MRPL48: variants seen among roughly 807,000 people sequenced by gnomAD.
The protein encoded by MRPL48 is large ribosomal subunit protein mL48.
In MRPL48, 16 loss-of-function variants were observed where a neutral mutation model predicts 32.9. The ratio of observed to expected loss-of-function variants is 0.49; its 90% CI spans 0.33 to 0.74. The LOEUF (loss-of-function observed/expected upper bound fraction) is 0.74, where lower values mean the gene tolerates loss of function less well. Among genes scored for constraint, MRPL48 ranks in the 30% least tolerant of loss-of-function variants. MRPL48 has a pLI of 0.02. For synonymous variants in MRPL48, 94 were observed against 89.2 expected (o/e 1.05, Z -0.31); for missense variants, 206 against 245.3 (o/e 0.84, Z 1.07).
At chr11:73,802,771 C>T (rs559423717) in intron 1 of MRPL48, among the ~76,000 whole-genome samples, 27 of 152,082 alleles carry the variant, frequency 1.8e-4, no homozygotes, top group African/African-American at 6.5e-4. Flanking sequence ...ACAGTCACGG[C>T]TTATTGCAGC....
chr11:73,804,961 C>T (rs997200021), intron 1 of MRPL48, 66 bp from the exon 2 acceptor site: 2 of 1,483,188 alleles, frequency 1.3e-6, no homozygotes, highest in African/African-American at 1.4e-5. Flanking sequence ...TCTTGCCTCT[C>T]TGAGAAGACA....
rs2135089220 is a variant in MRPL48 at position 73,859,913 on chromosome 11, A to G, written c.378A>G (p.Ala126=). ...SLSIKVEESY[A]MPTKTIEVLQ... is the part of the protein sequence containing the mutation. The stretch of plus-strand genomic sequence containing the variant: ...TGACTCTTCCTTCCCACAGTTATGC[A>G]ATGCCAACCAAAACCATAGAAGTGT... Residue 126 remains alanine (A), a synonymous_variant, in exon 6 of 8, where the codon GCA becomes GCG. Transcript: ENST00000310614. The G allele has an allele frequency of 1.2e-6, 2 of 1,613,700 alleles. No individual in the cohort carries two copies. Among genetic ancestry groups the G allele is most frequent in the South Asian group, 1.1e-5 (1 of 91,052 alleles).
chr11:73,851,594 C>A (rs766688990), intron 5 of MRPL48, among the ~76,000 whole-genome samples: 8 of 152,150 alleles, frequency 5.3e-5, no homozygotes, highest in Admixed American at 2.0e-4. Flanking sequence ...ACTTAGTGCT[C>A]TGGGCTCGAA....
intron 4 of MRPL48, among the ~76,000 whole-genome samples, chr11:73,836,537 T>G (rs1428914810): frequency 1.3e-5 from 2 of 152,132 alleles, no homozygotes; most frequent in Non-Finnish European, 2.9e-5. Flanking sequence ...GTGCTGTAAG[T>G]ACTATGTGCC....
intron 3 of MRPL48, among the ~76,000 whole-genome samples, chr11:73,819,790 C>T (rs1000971488): frequency 2.6e-5 from 4 of 152,004 alleles, no homozygotes; most frequent in Admixed American, 1.3e-4. Flanking sequence ...CCCAGCTACT[C>T]GGGAGATTGA....
At chr11:73,816,176 C>T (rs775942284) in intron 3 of MRPL48, among the ~76,000 whole-genome samples, 293 of 151,844 alleles carry the variant, frequency 1.9e-3, no homozygotes, top group Non-Finnish European at 3.3e-3. Flanking sequence ...ATTCTCCTGC[C>T]TCAGCCTCCC....
chr11:73,843,564 G>A (rs1229534270), intron 4 of MRPL48, among the ~76,000 whole-genome samples: 3 of 152,162 alleles, frequency 2.0e-5, no homozygotes, highest in Admixed American at 2.0e-4. Context: ...AAGTTGATAT[G>A]TAGTGAAGCA....
At chr11:73,808,672 A>C (rs1947505344) in intron 3 of MRPL48, among the ~76,000 whole-genome samples, 1 of 152,234 alleles carries the variant, frequency 6.6e-6, no homozygotes, top group Non-Finnish European at 1.5e-5. Context: ...CTGTAATCCC[A>C]GCACTTTGGG....
At chr11:73,801,776 G>A (rs1178056700) in intron 1 of MRPL48, among the ~76,000 whole-genome samples, 1 of 152,174 alleles carries the variant, frequency 6.6e-6, no homozygotes, top group African/African-American at 2.4e-5. Context: ...GTAAAGTGGT[G>A]ATAATAATGC....
rs1185440279 is a variant in MRPL48, at chr11:73,863,225, C to T, written c.528C>T (p.Ser176=). The T allele has an allele frequency of 1.3e-6, 2 of 1,576,594 alleles. No homozygotes were observed. The highest frequency in any genetic ancestry group is 8.6e-7 in the Non-Finnish European group (1 of 1,160,642). The change falls in exon 7 of 8, where the codon AGC becomes AGT. Residue 176 remains serine (S), a synonymous_variant. Coordinates refer to ENST00000310614, the MANE Select transcript of MRPL48 (RefSeq NM_016055.6). ...AAATTTTCTTGGAAATAATCCAAAG[C>T]AGTCTTCCTGAAGGAGTCAGACTGT... is the stretch of plus-strand genomic sequence containing the variant. ...FAEIFLEIIQ[S]SLPEGVRLSV...
At chr11:73,842,022 C>G (rs933852103) in intron 4 of MRPL48, 1 of 152,196 alleles carries the variant, frequency 6.6e-6, no homozygotes, top group Non-Finnish European at 1.5e-5. Flanking sequence ...TCAATCACCA[C>G]TCACTGCAAC....
intron 3 of MRPL48, among the ~76,000 whole-genome samples, chr11:73,814,941 G>A (rs971741829): frequency 6.6e-6 from 1 of 151,944 alleles, no homozygotes; most frequent in Non-Finnish European, 1.5e-5. Flanking sequence ...GCAGTGAGCC[G>A]AGATGTCTTG....
rs369589663 is a variant in MRPL48, at chr11:73,804,506, G to A, written c.22-521G>A. Among the ~76,000 whole-genome samples the A allele has an allele frequency of 5.3e-5, 8 of 152,010 alleles. No homozygotes were observed. The South Asian group carries it at 1.5e-3, about 28-fold the overall frequency. Reference sequence around the variant, plus strand: ...AGGTTGGTCTTGAACTCCTGACCTCGTGATCTGCCCGCCTCAGCCTCCCAA... The same window carrying A: ...AGGTTGGTCTTGAACTCCTGACCTCATGATCTGCCCGCCTCAGCCTCCCAA... On this transcript the variant is annotated intron_variant, in intron 1 of 7. Coordinates refer to ENST00000310614, the MANE Select transcript of MRPL48 (RefSeq NM_016055.6).
At chr11:73,788,046 A>AGGGGAGATGGCGGAGGGTGCAGAGC in intron 1 of MRPL48, 54 bp downstream of exon 1, 3 of 1,459,924 alleles carry the variant, frequency 2.1e-6, no homozygotes, top group South Asian at 1.3e-5. Context: ...CGGTGCAGAG[A>AGGGGAGATGGCGGAGGGTGCAGAGC]GGGGAGATGG....
chr11:73,836,909 G>C (rs1948112996), intron 4 of MRPL48, among the ~76,000 whole-genome samples: 1 of 152,194 alleles, frequency 6.6e-6, no homozygotes, highest in Non-Finnish European at 1.5e-5. Flanking sequence ...TCTAAGTCTA[G>C]TGCACTTTAT....
chr11:73,806,327 C>T (rs188637354), intron 2 of MRPL48, among the ~76,000 whole-genome samples: 1 of 152,114 alleles, frequency 6.6e-6, no homozygotes, highest in Admixed American at 6.6e-5. Context: ...GTTTGCTATT[C>T]CTTGATAATC....
chr11:73,844,391 A>G (rs1590990742), intron 4 of MRPL48, among the ~76,000 whole-genome samples: 2 of 152,018 alleles, frequency 1.3e-5, no homozygotes, highest in African/African-American at 4.8e-5. Flanking sequence ...AGATTGCGCC[A>G]CTGCCACTCC....
intron 5 of MRPL48, among the ~76,000 whole-genome samples, chr11:73,852,093 C>G (rs1948403046): frequency 6.6e-6 from 1 of 152,082 alleles, no homozygotes; most frequent in African/African-American, 2.4e-5. Flanking sequence ...GAGAAGATGT[C>G]AGGAACTTAT....
At chr11:73,789,447 C>T (rs896885819) in intron 1 of MRPL48, 3 of 152,194 alleles carry the variant, frequency 2.0e-5, no homozygotes, top group African/African-American at 7.2e-5. Context: ...CTTCCCGACT[C>T]CTTAGTTGCT....
Sources: allele counts gnomAD v4.1 joint callset (sites outside exome capture counted in the v4.1 genomes callset), GRCh38; gene constraint gnomAD v4.1.1; transcripts MANE v1.5; gene names NCBI Gene and HGNC (gene_info 2026-07-23, HGNC 2026-07-21).